The following EPAS1 variants were observed in gnomAD, a reference collection of about 807,000 sequenced individuals.
The protein encoded by EPAS1 is endothelial PAS domain protein 1.
A neutral mutation model predicts 87.9 loss-of-function variants in EPAS1; 23 were observed. The observed-to-expected ratio is 0.26, with a 90% CI of 0.19 to 0.37. EPAS1 has a LOEUF of 0.37. Ranked by LOEUF, EPAS1 falls within the 10% of genes least tolerant of loss-of-function variation. The pLI is 1.00. For synonymous variants in EPAS1, 508 were observed against 444.3 expected, an observed-to-expected ratio of 1.14 and a Z score of -1.80; for missense variants, 1,138 against 1,120.7, an observed-to-expected ratio of 1.02 and a Z score of -0.22.
intron 1 of EPAS1, among the ~76,000 whole-genome samples, chr2:46,305,536 A>C (rs1016172074): frequency 3.3e-5 from 5 of 152,186 alleles, no homozygotes; most frequent in African/African-American, 1.2e-4. Flanking sequence ...GATCCTGTGA[A>C]CAGATCCTTT....
At chr2:46,306,684 C>T (rs983042593) in intron 1 of EPAS1, among the ~76,000 whole-genome samples, 5 of 152,172 alleles carry the variant, frequency 3.3e-5, no homozygotes, top group Admixed American at 3.3e-4. Context: ...AACTCGGTTA[C>T]TTGGCTTTGT....
chr2:46,319,072 G>T (rs1683404257), intron 1 of EPAS1, among the ~76,000 whole-genome samples: 2 of 152,184 alleles, frequency 1.3e-5, no homozygotes, highest in African/African-American at 2.4e-5. Context: ...TATCTGAAAA[G>T]CGGCATCTTT....
chr2:46,369,295 T>G (rs1320772684), intron 6 of EPAS1, among the ~76,000 whole-genome samples: 1 of 152,174 alleles, frequency 6.6e-6, no homozygotes, highest in East Asian at 1.9e-4. Context: ...CCCTCTCACG[T>G]GCTGGTTGAC....
At chr2:46,317,779 C>A (rs1683371353) in intron 1 of EPAS1, among the ~76,000 whole-genome samples, 1 of 152,244 alleles carries the variant, frequency 6.6e-6, no homozygotes, top group African/African-American at 2.4e-5. Context: ...ATGATCTTAG[C>A]TAGATCTTCT....
At chr2:46,370,895 G>C (rs944942063) in intron 7 of EPAS1, among the ~76,000 whole-genome samples, 1 of 152,178 alleles carries the variant, frequency 6.6e-6, no homozygotes, top group Non-Finnish European at 1.5e-5. Context: ...CCCACTGGGG[G>C]TGATATAAAT....
chr2:46,368,474 A>C (rs1178577119), intron 6 of EPAS1, among the ~76,000 whole-genome samples: 1 of 152,168 alleles, frequency 6.6e-6, no homozygotes, highest in African/African-American at 2.4e-5. Context: ...GTTACGCAGC[A>C]TTTACTGTTG....
In EPAS1 at chr2:46,370,158, G is replaced by A. The variant is rs188250750; in HGVS notation, c.886+225G>A. On this transcript the variant is annotated intron_variant, in intron 7 of 15. Coordinates refer to ENST00000263734, the MANE Select transcript of EPAS1 (RefSeq NM_001430.5). ...AAAAGGACACTTCCTCCAGGGAGATGCACCCGTGCCAAGGTGCACAGCTGA... is the reference window on the plus strand; with the variant it reads ...AAAAGGACACTTCCTCCAGGGAGATACACCCGTGCCAAGGTGCACAGCTGA... 3.2e-3 allele frequency among the ~76,000 whole-genome samples: 480 copies of A among 152,328 alleles called. 4 individuals carry two copies. The highest frequency in any genetic ancestry group is 0.011 in the African/African-American group (465 of 41,582).
chr2:46,308,459 T>TGG (rs1386453322), intron 1 of EPAS1, among the ~76,000 whole-genome samples: 14 of 83,096 alleles, frequency 1.7e-4, no homozygotes, highest in South Asian at 5.0e-4. Flanking sequence ...TTGCTTTTTT[T>TGG]TGGGGGGGGG....
chr2:46,309,516 T>C, intron 1 of EPAS1, among the ~76,000 whole-genome samples: 1 of 152,188 alleles, frequency 6.6e-6, no homozygotes, highest in East Asian at 1.9e-4. Flanking sequence ...AGATCTTGTG[T>C]GTTGGGAATA....
In EPAS1 at chr2:46,378,701, G is replaced by T. The variant is rs1023707936; in HGVS notation, c.1488G>T (p.Leu496=). The change falls in exon 11 of 16, where the codon CTG becomes CTT. Residue 496 remains leucine (L), a synonymous_variant. Transcript: ENST00000263734. ...ATTACACATCTTTGGATAACGACCT[G>T]AAGATTGAAGTGATTGAGAAGCTCT... is the stretch of plus-strand genomic sequence containing the variant. ...EDYYTSLDND[L]KIEVIEKLFA... is the part of the protein sequence containing the mutation. 1.9e-6 allele frequency: 3 copies of T among 1,614,202 alleles called. No individual in the cohort carries two copies. Among genetic ancestry groups the T allele is most frequent in the Admixed American group, 3.3e-5 (2 of 60,032 alleles).
chr2:46,364,262 TTG>T (rs1684459717), intron 6 of EPAS1, among the ~76,000 whole-genome samples: 1 of 152,174 alleles, frequency 6.6e-6, no homozygotes, highest in Non-Finnish European at 1.5e-5. Context: ...ACAAAGGGGA[TTG>T]TTTTCCTACA....
intron 11 of EPAS1, among the ~76,000 whole-genome samples, chr2:46,378,988 C>A (rs1304840198): frequency 1.3e-5 from 2 of 152,214 alleles, no homozygotes; most frequent in Non-Finnish European, 2.9e-5. Context: ...TATGTGTCTC[C>A]TACTTAGATA....
intron 6 of EPAS1, among the ~76,000 whole-genome samples, chr2:46,366,651 TG>T (rs1163257057): frequency 6.6e-6 from 1 of 152,198 alleles, no homozygotes; most frequent in Non-Finnish European, 1.5e-5. Flanking sequence ...GAGTTGACTT[TG>T]AAATTTACGG....
rs1684620311 is a variant in EPAS1, at chr2:46,371,149, A to G, written c.886+1216A>G. 6.6e-6 allele frequency among the ~76,000 whole-genome samples: 1 copy of G among 152,148 alleles called. No individual in the cohort carries two copies. The highest frequency in any genetic ancestry group is 1.5e-5 in the Non-Finnish European group (1 of 68,032). On this transcript the variant is annotated intron_variant, in intron 7 of 15. Coordinates refer to ENST00000263734, the MANE Select transcript of EPAS1 (RefSeq NM_001430.5). This position sits in a 1 kb window ranked among gnomAD's most constrained non-coding sequence, Gnocchi z 4.3. ...TGAGAGGATTATGGGAGGATTAAAAACGGGTAAAGTAAGTCTGAGAAGATT... is the reference window on the plus strand; with the variant it reads ...TGAGAGGATTATGGGAGGATTAAAAGCGGGTAAAGTAAGTCTGAGAAGATT...
intron 1 of EPAS1, among the ~76,000 whole-genome samples, chr2:46,327,776 C>T (rs1683592771): frequency 6.6e-6 from 1 of 152,202 alleles, no homozygotes; most frequent in East Asian, 1.9e-4. Context: ...AAAAAGTGTT[C>T]TGCCCTGTTC....
rs1288656898 is a variant in EPAS1 at position 46,346,400 on chromosome 2, A to G, written c.27-473A>G. ...GATCTAGGGTTCAGTACTACTCTTA[A>G]TTTTTTCTGATTGTGTCTTATGCAG... On this transcript the variant is annotated intron_variant, in intron 1 of 15. Transcript: ENST00000263734. The surrounding 1 kb of genome is among the most constrained non-coding windows in gnomAD (Gnocchi z 4.0). Among the ~76,000 whole-genome samples the G allele has an allele frequency of 6.6e-6, 1 of 152,010 alleles. No individual in the cohort carries two copies. Among genetic ancestry groups the G allele is most frequent in the Non-Finnish European group, 1.5e-5 (1 of 68,010 alleles).
chr2:46,369,889 A>G lies in EPAS1; in HGVS notation c.842A>G (p.Tyr281Cys), dbSNP rs751839101. 1 of 1,613,020 alleles carries G rather than the reference A, an allele frequency of 6.2e-7. No individual in the cohort carries two copies. Among genetic ancestry groups the G allele is most frequent in the Non-Finnish European group, 8.5e-7 (1 of 1,179,560 alleles). ...ELLGRSAYEFYHALDSENMTK... is the reference protein window; with the variant it reads ...ELLGRSAYEFCHALDSENMTK... Reference sequence around the variant, plus strand: ...CTTGGCCGCTCAGCCTATGAATTCTACCATGCGCTAGACTCCGAGAACATG... The same window carrying G: ...CTTGGCCGCTCAGCCTATGAATTCTGCCATGCGCTAGACTCCGAGAACATG... The change falls in exon 7 of 16, where the codon TAC becomes TGC. Residue 281 changes from tyrosine (Y) to cysteine (C), a missense_variant. Physicochemically the swap from Tyr to Cys is radical, Grantham distance 194. Around this residue, in one of 4 missense-constraint regions of EPAS1, gnomAD observed 351 missense variants for 417.1 expected, o/e 0.84. Transcript: ENST00000263734.
rs1684983103 is a variant in EPAS1, at chr2:46,385,026, G to GGA, written c.*369_*370dup. The GGA allele has an allele frequency of 3.9e-6, 1 of 256,128 alleles. No homozygotes were observed. Among genetic ancestry groups the GGA allele is most frequent in the Non-Finnish European group, 7.7e-6 (1 of 130,204 alleles). The allele number at this position is 256,128 out of a possible 1,614,324, so 15.9% of individuals were successfully genotyped here. On this transcript the variant is annotated 3_prime_UTR_variant, in exon 16 of 16. Coordinates refer to ENST00000263734, the MANE Select transcript of EPAS1 (RefSeq NM_001430.5). ...TTGGTGCATGTCTGTTCTTCTGTAG[G>GGA]GAGAAGCTTTAGCTTCATTTTACTA...
At chr2:46,309,416 C>G (rs2104840665) in intron 1 of EPAS1, among the ~76,000 whole-genome samples, 1 of 152,312 alleles carries the variant, frequency 6.6e-6, no homozygotes, top group Non-Finnish European at 1.5e-5. Flanking sequence ...ATGTTGCCAT[C>G]TTGTTAGGAA....
Sources: allele counts gnomAD v4.1 joint callset (sites outside exome capture counted in the v4.1 genomes callset), GRCh38; gene constraint gnomAD v4.1.1; regional missense constraint gnomAD v4.1.1; non-coding constraint Gnocchi (gnomAD v3.1); transcripts MANE v1.5; gene names NCBI Gene and HGNC (gene_info 2026-07-23, HGNC 2026-07-21).